Variants in PRKCB observed in about 807,000 individuals in gnomAD.
PRKCB encodes protein kinase C beta type.
In PRKCB, 13 loss-of-function variants were observed where a neutral mutation model predicts 81.5. The observed-to-expected ratio is 0.16, with a 90% CI of 0.10 to 0.25. PRKCB has a LOEUF of 0.25. Among genes scored for constraint, PRKCB ranks in the 10% least tolerant of loss-of-function variants. The pLI, the probability that PRKCB is intolerant of heterozygous loss-of-function variation, is 1.00. For missense variants in PRKCB, 509 were observed against 875.7 expected (o/e 0.58, Z 5.29); for synonymous variants, 335 against 321.4 (o/e 1.04, Z -0.45).
At chr16:23,876,878 G>A (rs1963022253) in intron 2 of PRKCB, among the ~76,000 whole-genome samples, 1 of 152,178 alleles carries the variant, frequency 6.6e-6, no homozygotes, top group Non-Finnish European at 1.5e-5. Context: ...GGGAAGGGTG[G>A]ATGAAGGAAA....
chr16:23,952,604 A>G (rs1041634000), intron 2 of PRKCB, among the ~76,000 whole-genome samples: 2 of 152,128 alleles, frequency 1.3e-5, no homozygotes, highest in African/African-American at 4.8e-5. Context: ...AAATCTCTTT[A>G]TCTGTGGCCA....
intron 2 of PRKCB, among the ~76,000 whole-genome samples, chr16:23,919,416 G>A (rs1246593616): frequency 6.7e-6 from 1 of 148,908 alleles, no homozygotes; most frequent in Non-Finnish European, 1.5e-5. Flanking sequence ...AAAATTTCCT[G>A]GAGTCTGACA....
chr16:24,209,429 G>A (rs542692444), intron 16 of PRKCB, among the ~76,000 whole-genome samples: 4 of 152,076 alleles, frequency 2.6e-5, no homozygotes, highest in Admixed American at 1.3e-4. Flanking sequence ...TGCAGCTGAG[G>A]GGACTCCTTG....
At chr16:23,872,796 C>CATTATT (rs1326076428) in intron 2 of PRKCB, among the ~76,000 whole-genome samples, 4 of 151,754 alleles carry the variant, frequency 2.6e-5, no homozygotes, top group African/African-American at 9.7e-5. Context: ...CTCCTGCTGC[C>CATTATT]ATTATTATTA....
intron 2 of PRKCB, among the ~76,000 whole-genome samples, chr16:23,840,035 C>T (rs1209165837): frequency 6.6e-6 from 1 of 151,998 alleles, no homozygotes; most frequent in Non-Finnish European, 1.5e-5. Context: ...ATTTGGGCAG[C>T]AGTAGGGAGG....
At chr16:23,852,215 G>C (rs1344227130) in intron 2 of PRKCB, among the ~76,000 whole-genome samples, 3 of 152,172 alleles carry the variant, frequency 2.0e-5, no homozygotes, top group Non-Finnish European at 4.4e-5. Flanking sequence ...CAACTTTTCA[G>C]TGCTGAGAAG....
chr16:23,942,163 C>T (rs1964147791), intron 2 of PRKCB, among the ~76,000 whole-genome samples: 1 of 152,184 alleles, frequency 6.6e-6, no homozygotes, highest in Non-Finnish European at 1.5e-5. Flanking sequence ...CCACCAGCTC[C>T]CTTTTCCTCC....
In PRKCB at chr16:24,216,994, T is replaced by C. The variant is rs1968237360; in HGVS notation, c.*2178T>C. The stretch of plus-strand genomic sequence containing the variant: ...ATCATGATCCCATTTTGCTTGGACA[T>C]GCTCTCAGGAAGATAAAAACCATGG... On this transcript the variant is annotated 3_prime_UTR_variant, in exon 17 of 17. Transcript: ENST00000643927. 1 of 985,162 alleles carries C rather than the reference T, an allele frequency of 1.0e-6. No individual in the cohort carries two copies. Among genetic ancestry groups the C allele is most frequent in the African/African-American group, 1.7e-5 (1 of 57,168 alleles). The allele number at this position is 985,162 out of a possible 1,614,324, so 61.0% of individuals were successfully genotyped here. A position where few individuals can be genotyped will look rare whatever the true frequency, so the allele number is the denominator to read the frequency against.
At chr16:23,993,433 A>G (rs748396767) in intron 3 of PRKCB, among the ~76,000 whole-genome samples, 1 of 152,144 alleles carries the variant, frequency 6.6e-6, no homozygotes, top group Non-Finnish European at 1.5e-5. Context: ...CCCTGGTTTA[A>G]TGTAGAGGAA....
chr16:24,164,306 C>T (rs1478971686), intron 10 of PRKCB, among the ~76,000 whole-genome samples: 2 of 152,194 alleles, frequency 1.3e-5, no homozygotes, highest in Non-Finnish European at 2.9e-5. Context: ...TCCTCATACT[C>T]ATGTTCCAAA....
chr16:23,837,192 G>A, intron 1 of PRKCB, 183 bp from the exon 2 acceptor site: 1 of 740,034 alleles, frequency 1.4e-6, no homozygotes, highest in South Asian at 1.4e-5. Context: ...GAAGGCAGAT[G>A]GGGGTTACAG....
At chr16:24,153,261 C>T (rs1336900300) in intron 9 of PRKCB, among the ~76,000 whole-genome samples, 1 of 152,098 alleles carries the variant, frequency 6.6e-6, no homozygotes, top group African/African-American at 2.4e-5. Context: ...TGAACTCTGG[C>T]CCTGATTGGT....
chr16:23,927,405 G>C (rs1003608224), intron 2 of PRKCB, among the ~76,000 whole-genome samples: 10 of 152,036 alleles, frequency 6.6e-5, no homozygotes, highest in Admixed American at 6.6e-4. Context: ...AGAAAAGGAA[G>C]TAAGGAACCC....
chr16:23,875,756 A>ATG (rs1567298756), intron 2 of PRKCB, among the ~76,000 whole-genome samples: 1 of 135,844 alleles, frequency 7.4e-6, no homozygotes, highest in African/African-American at 2.7e-5. Flanking sequence ...TCACACATAT[A>ATG]TGTATGTATA....
At chr16:23,961,992 TG>T (rs910688205) in intron 2 of PRKCB, among the ~76,000 whole-genome samples, 4 of 152,118 alleles carry the variant, frequency 2.6e-5, no homozygotes, top group Admixed American at 2.6e-4. Flanking sequence ...AAAGTCAAAG[TG>T]CTGTCACATG....
intron 9 of PRKCB, chr16:24,151,813 G>A (rs939737191): frequency 4.4e-6 from 2 of 455,900 alleles, no homozygotes; most frequent in African/African-American, 2.0e-5. Flanking sequence ...GCTGAAGCAA[G>A]TTAATCTCCC....
chr16:24,157,686 T>TG (rs1316285455), intron 10 of PRKCB, among the ~76,000 whole-genome samples: 1 of 147,644 alleles, frequency 6.8e-6, no homozygotes, highest in African/African-American at 2.5e-5. Flanking sequence ...AATTGAATCG[T>TG]GGGGGCAGTC....
chr16:23,847,559 T>TCCAA (rs1962401675), intron 2 of PRKCB, among the ~76,000 whole-genome samples: 3 of 145,808 alleles, frequency 2.1e-5, no homozygotes, highest in African/African-American at 7.6e-5. Context: ...CAACCATCCA[T>TCCAA]CCATCCATCC....
At chr16:24,132,326 T>C (rs975783418) in intron 9 of PRKCB, among the ~76,000 whole-genome samples, 17 of 152,170 alleles carry the variant, frequency 1.1e-4, no homozygotes, top group Non-Finnish European at 2.1e-4. Context: ...TTGGAATCCA[T>C]ACATTATTCT....
Sources: allele counts gnomAD v4.1 joint callset (sites outside exome capture counted in the v4.1 genomes callset), GRCh38; gene constraint gnomAD v4.1.1; transcripts MANE v1.5; gene names NCBI Gene and HGNC (gene_info 2026-07-23, HGNC 2026-07-21).